The following ESR1 variants were observed in gnomAD, a reference collection of about 807,000 sequenced individuals.
ESR1 encodes estrogen receptor.
A neutral mutation model predicts 52.7 loss-of-function variants in ESR1; 12 were observed. The observed-to-expected ratio is 0.23, with a 90% CI of 0.15 to 0.37. ESR1 has a LOEUF of 0.37. Ranked by LOEUF, ESR1 falls within the 10% of genes least tolerant of loss-of-function variation. The pLI is 1.00. For missense variants in ESR1, 584 were observed against 779.7 expected (o/e 0.75, Z 2.99); for synonymous variants, 305 against 316.8 (o/e 0.96, Z 0.39).
chr6:152,102,064 C>A lies in ESR1; in HGVS notation c.*3098C>A, dbSNP rs9341078. The stretch of plus-strand genomic sequence containing the variant: ...GAGGCTAGGTCATCCAAAGAGAAGA[C>A]CCTATCAATGTAGGTTGCAAAATCT... On this transcript the variant is annotated 3_prime_UTR_variant, in exon 8 of 8. Coordinates refer to ENST00000206249, the MANE Select transcript of ESR1 (RefSeq NM_000125.4). The A allele has an allele frequency of 5.7e-3, 1,227 of 214,258 alleles. 16 individuals carry two copies. Among genetic ancestry groups the A allele is most frequent in the African/African-American group, 0.026 (1,145 of 44,368 alleles). The allele number at this position is 214,258 out of a possible 1,614,324, so 13.3% of individuals were successfully genotyped here.
intron 3 of ESR1, among the ~76,000 whole-genome samples, chr6:151,914,064 A>G (rs1798675560): frequency 6.6e-6 from 1 of 152,118 alleles, no homozygotes; most frequent in Non-Finnish European, 1.5e-5. Flanking sequence ...TCAATTTAAA[A>G]TCATAGGAAA....
upstream of ESR1, among the ~76,000 whole-genome samples, chr6:151,806,539 TATATATATATATATATATACAC>T (rs1777890040): frequency 1.4e-5 from 2 of 139,606 alleles, no homozygotes; most frequent in African/African-American, 5.4e-5. Context: ...TGTATATATA[TATATATATATATATATATACAC>T]ATATATGTGT....
intron 6 of ESR1, among the ~76,000 whole-genome samples, chr6:152,082,640 G>C (rs779413949): frequency 6.6e-6 from 1 of 152,146 alleles, no homozygotes; most frequent in Non-Finnish European, 1.5e-5. Context: ...AAGAAATAAA[G>C]GGTATTCAGT....
chr6:151,750,419 G>C (rs1783816408), intron 2 of ESR1, among the ~76,000 whole-genome samples: 1 of 152,176 alleles, frequency 6.6e-6, no homozygotes, highest in Non-Finnish European at 1.5e-5. Context: ...CGGCGGGCAA[G>C]GGGGAAAAGT....
chr6:151,938,545 C>T (rs2034651185), intron 3 of ESR1, among the ~76,000 whole-genome samples: 3 of 152,256 alleles, frequency 2.0e-5, no homozygotes, highest in Admixed American at 2.0e-4. Flanking sequence ...CACAAGTTGT[C>T]GCCTGTACTG....
chr6:151,916,064 G>A (rs745338302), intron 3 of ESR1, among the ~76,000 whole-genome samples: 1 of 152,152 alleles, frequency 6.6e-6, no homozygotes, highest in Non-Finnish European at 1.5e-5. Context: ...ATGTGGACAC[G>A]CTGCCTGCAT....
upstream of ESR1, among the ~76,000 whole-genome samples, chr6:151,688,122 TTAAAAAATGTATTGGTC>T (rs1778761116): frequency 6.6e-6 from 1 of 152,222 alleles, no homozygotes; most frequent in South Asian, 2.1e-4. Flanking sequence ...ACAGAATAGT[TTAAAAAATGTATTGGTC>T]CAAGCACACA....
chr6:152,023,521 T>G (rs2043863455), intron 5 of ESR1, among the ~76,000 whole-genome samples: 1 of 152,228 alleles, frequency 6.6e-6, no homozygotes, highest in Non-Finnish European at 1.5e-5. Flanking sequence ...AAAAAATTTC[T>G]TGATAATCAC....
At chr6:151,830,594 C>T (rs1782244512) in intron 1 of ESR1, among the ~76,000 whole-genome samples, 1 of 152,074 alleles carries the variant, frequency 6.6e-6, no homozygotes, top group Admixed American at 6.6e-5. Context: ...CATTCATTAG[C>T]ACTTGGAATG....
At chr6:151,862,767 C>T (rs1263484625) in intron 2 of ESR1, among the ~76,000 whole-genome samples, 2 of 152,090 alleles carry the variant, frequency 1.3e-5, no homozygotes, top group African/African-American at 4.8e-5. Flanking sequence ...TGTGAAAGAA[C>T]TGTAGTAGTT....
chr6:151,683,066 T>G (rs1778519329), intron 1 of ESR1, among the ~76,000 whole-genome samples: 1 of 152,232 alleles, frequency 6.6e-6, no homozygotes, highest in Non-Finnish European at 1.5e-5. Flanking sequence ...GCCTGCTCTT[T>G]GGTCTTATCC....
At chr6:151,729,634 A>C (rs1163238619) in intron 2 of ESR1, among the ~76,000 whole-genome samples, 1 of 152,176 alleles carries the variant, frequency 6.6e-6, no homozygotes, top group African/African-American at 2.4e-5. Context: ...ATTTACCCAC[A>C]TTATCTTATT....
chr6:152,066,188 G>A (rs1014178971), intron 6 of ESR1, among the ~76,000 whole-genome samples: 18 of 152,190 alleles, frequency 1.2e-4, no homozygotes, highest in African/African-American at 4.3e-4. Context: ...TTGATCAGAA[G>A]CCACTCTCTG....
intron 1 of ESR1, among the ~76,000 whole-genome samples, chr6:151,695,600 C>T (rs1250142432): frequency 6.6e-6 from 1 of 152,186 alleles, no homozygotes; most frequent in Non-Finnish European, 1.5e-5. Flanking sequence ...GGATGATCTG[C>T]ATTTTTGAGA....
intron 3 of ESR1, among the ~76,000 whole-genome samples, chr6:151,941,813 A>G (rs1254996248): frequency 2.6e-5 from 4 of 152,184 alleles, no homozygotes; most frequent in African/African-American, 9.7e-5. Context: ...GTAACTAACT[A>G]AAAAGTTTCC....
chr6:151,900,353 A>AT (rs1796488274), intron 3 of ESR1, among the ~76,000 whole-genome samples: 1 of 151,816 alleles, frequency 6.6e-6, no homozygotes, highest in Non-Finnish European at 1.5e-5. Context: ...TTCTTGTATC[A>AT]TTTTTTTGAC....
At position 152,041,502 on chromosome 6, in the gene ESR1, T is replaced by C. The variant is rs139098662; in HGVS notation, c.1236-19489T>C. Among the ~76,000 whole-genome samples, 52 of 152,334 alleles carry C rather than the reference T, an allele frequency of 3.4e-4. No homozygotes were observed. The East Asian group carries it at 9.3e-3, about 27-fold the overall frequency. On this transcript the variant is annotated intron_variant, in intron 5 of 7. Transcript: ENST00000206249. ...CTTATCCTTCATCTTAGAAGGAATA[T>C]CTTGACAGACCCCACACCACTGGAC...
chr6:152,067,834 T>A (rs1336068678), intron 6 of ESR1, among the ~76,000 whole-genome samples: 3 of 152,066 alleles, frequency 2.0e-5, no homozygotes, highest in African/African-American at 7.2e-5. Context: ...TCTCAAAAAA[T>A]TTTTAAAACA....
At chr6:151,987,498 A>G (rs985988799) in intron 4 of ESR1, among the ~76,000 whole-genome samples, 5 of 152,086 alleles carry the variant, frequency 3.3e-5, no homozygotes, top group African/African-American at 9.7e-5. Context: ...ACCTCAGGTG[A>G]TCTGCCGGGG....
Sources: allele counts gnomAD v4.1 joint callset (sites outside exome capture counted in the v4.1 genomes callset), GRCh38; gene constraint gnomAD v4.1.1; transcripts MANE v1.5; gene names NCBI Gene and HGNC (gene_info 2026-07-23, HGNC 2026-07-21).